SFI1: variants seen among roughly 807,000 people sequenced by gnomAD.
The protein encoded by SFI1 is SFI1 centrin binding protein.
Under a neutral mutation model 207.5 loss-of-function variants are expected in SFI1, and 195 were observed. That is an observed-to-expected ratio of 0.94 (90% CI 0.84 to 1.06). The LOEUF (loss-of-function observed/expected upper bound fraction) is 1.06, where lower values mean the gene tolerates loss of function less well. Ranked by LOEUF, SFI1 falls within the 50% of genes least tolerant of loss-of-function variation. The pLI is 0.00. For missense variants in SFI1, 1,634 were observed against 1,588.0 expected (o/e 1.03, Z -0.49); for synonymous variants, 630 against 598.9 (o/e 1.05, Z -0.76).
chr22:31,514,140 C>CA (rs113946302), intron 2 of SFI1, among the ~76,000 whole-genome samples: 3,083 of 82,272 alleles, frequency 0.037, 125 homozygotes, highest in African/African-American at 0.11. Flanking sequence ...AACTCCATCT[C>CA]AAAAAAAAAA....
Position 31,508,359 on chromosome 22 carries a change from G to A in SFI1, c.75G>A (p.Glu25=). 3 of 1,612,176 alleles carry A rather than the reference G, an allele frequency of 1.9e-6. No individual in the cohort carries two copies. The highest frequency in any genetic ancestry group is 1.1e-5 in the South Asian group (1 of 90,904). Residue 25 remains glutamate (E), a synonymous_variant, in exon 2 of 33, where the codon GAG becomes GAA. Coordinates refer to ENST00000400288, the MANE Select transcript of SFI1 (RefSeq NM_001007467.3). ...AAAAAGTGATTAAGCAGAGAATGGA[G>A]AAGAAGGTTGATTCCAGGTGAGTGA... ...FHQKVIKQRM[E]KKVDSRYFKD...
rs1241498199 is a variant in SFI1 at position 31,598,011 on chromosome 22, TC to T, written c.1545-4200del. Among the ~76,000 whole-genome samples, 3 of 151,628 alleles carry T rather than the reference TC, an allele frequency of 2.0e-5. No individual in the cohort carries two copies. The East Asian group carries it at 5.8e-4, about 29-fold the overall frequency. ...TTTTTTTTTTGAGACGGAGTCTCGCTCTGTTGCCCAGGCTGGAGTGCAGTGG... is the reference window on the plus strand; with the variant it reads ...TTTTTTTTTTGAGACGGAGTCTCGCTTGTTGCCCAGGCTGGAGTGCAGTGG... On this transcript the variant is annotated intron_variant, in intron 15 of 32. Coordinates refer to ENST00000400288, the MANE Select transcript of SFI1 (RefSeq NM_001007467.3).
At chr22:31,534,144 A>G (rs1309161120) in intron 4 of SFI1, among the ~76,000 whole-genome samples, 1 of 152,014 alleles carries the variant, frequency 6.6e-6, no homozygotes, top group Non-Finnish European at 1.5e-5. Context: ...TTTGAGACAG[A>G]GTCTCGCTCT....
At chr22:31,525,024 C>G (rs1328916284) in intron 2 of SFI1, among the ~76,000 whole-genome samples, 4 of 151,852 alleles carry the variant, frequency 2.6e-5, no homozygotes, top group Non-Finnish European at 4.4e-5. Flanking sequence ...GAACTCCTGA[C>G]CTCAAGTGAT....
chr22:31,517,253 G>A (rs1362413479), intron 2 of SFI1, among the ~76,000 whole-genome samples: 2 of 151,968 alleles, frequency 1.3e-5, no homozygotes, highest in Non-Finnish European at 2.9e-5. Context: ...AGATATTCTG[G>A]TTTTTGTTTT....
chr22:31,505,844 G>A (rs926324071), intron 1 of SFI1, among the ~76,000 whole-genome samples: 5 of 151,980 alleles, frequency 3.3e-5, no homozygotes, highest in African/African-American at 7.3e-5. Context: ...TGATGGTGCC[G>A]CAGTACTTCA....
intron 12 of SFI1, among the ~76,000 whole-genome samples, chr22:31,581,883 C>T (rs1011307769): frequency 1.4e-4 from 22 of 152,102 alleles, no homozygotes; most frequent in African/African-American, 5.3e-4. Flanking sequence ...AAATTATAGA[C>T]ATCATGACAC....
chr22:31,576,551 C>T (rs1042685702), intron 10 of SFI1, among the ~76,000 whole-genome samples: 1 of 152,066 alleles, frequency 6.6e-6, no homozygotes, highest in Non-Finnish European at 1.5e-5. Flanking sequence ...GAACTCCTGA[C>T]CCAAAGTGAT....
At chr22:31,580,387 A>T in intron 12 of SFI1, 23 bp downstream of exon 12, 1 of 1,588,940 alleles carries the variant, frequency 6.3e-7, no homozygotes, top group Non-Finnish European at 8.6e-7. Context: ...TTCTGTATCA[A>T]GGGACCTCTT....
chr22:31,531,630 A>T (rs550054544), intron 4 of SFI1, among the ~76,000 whole-genome samples: 2 of 152,292 alleles, frequency 1.3e-5, no homozygotes, highest in South Asian at 4.1e-4. Context: ...ATGGTGGCTC[A>T]TGCCTGTAAT....
At chr22:31,507,380 A>T (rs1279663362) in intron 1 of SFI1, among the ~76,000 whole-genome samples, 1 of 152,224 alleles carries the variant, frequency 6.6e-6, no homozygotes, top group Non-Finnish European at 1.5e-5. Context: ...ACTTAAATTT[A>T]AAACCCAAAA....
chr22:31,551,402 T>C (rs1336680025), intron 6 of SFI1, among the ~76,000 whole-genome samples: 1 of 152,182 alleles, frequency 6.6e-6, no homozygotes, highest in East Asian at 1.9e-4. Flanking sequence ...CCCAGCCCAG[T>C]GATCTTTCCC....
intron 12 of SFI1, among the ~76,000 whole-genome samples, chr22:31,583,474 A>C (rs769732188): frequency 2.6e-5 from 4 of 152,124 alleles, no homozygotes; most frequent in Admixed American, 6.6e-5. Context: ...TATATCATTT[A>C]ATTTTCCTTT....
chr22:31,607,975 G>A lies in SFI1; in HGVS notation c.2196G>A (p.Met732Ile), dbSNP rs2147165182. ...GGCGGGAAGCTGTGTCAGTGCAGAT[G>A]TATTACCGACAGCAGGAGGACTGTG... The part of the protein sequence containing the change: ...VQWREAVSVQ[M>I]YYRQQEDCAI... The change falls in exon 22 of 33, where the codon ATG becomes ATA. Residue 732 changes from methionine (M) to isoleucine (I), a missense_variant. Transcript: ENST00000400288. The A allele has an allele frequency of 6.2e-7, 1 of 1,613,990 alleles. No individual in the cohort carries two copies. Among genetic ancestry groups the A allele is most frequent in the Non-Finnish European group, 8.5e-7 (1 of 1,179,906 alleles).
intron 28 of SFI1, 27 bp downstream of exon 28, chr22:31,614,887 G>A: frequency 6.2e-7 from 1 of 1,611,434 alleles, no homozygotes; most frequent in Middle Eastern, 1.7e-4. Context: ...ACCGTGGGCA[G>A]GCAGGGGGAG....
chr22:31,563,999 A>T (rs1205339413), intron 8 of SFI1, among the ~76,000 whole-genome samples: 1 of 152,090 alleles, frequency 6.6e-6, no homozygotes, highest in East Asian at 1.9e-4. Flanking sequence ...TATTTCAAAC[A>T]TAGAAACACA....
rs2063108674 is a variant in SFI1, at chr22:31,572,984, T to C, written c.766-74T>C. ...CCTTTCCAGCGTGTGTGCCTTTCTC[T>C]TTTCCCTCTCCACCTGTACTTCACC... On this transcript the variant is annotated intron_variant, in intron 8 of 32. Transcript: ENST00000400288. The C allele has an allele frequency of 2.7e-6, 4 of 1,494,718 alleles. No homozygotes were observed. In the African/African-American group the frequency reaches 4.2e-5, roughly 16 times the overall value. 92.6% of individuals were successfully genotyped at this position (1,494,718 alleles called of 1,614,324 possible).
At chr22:31,580,486 G>C (rs1436334849) in intron 12 of SFI1, 122 bp downstream of exon 12, 1 of 572,358 alleles carries the variant, frequency 1.7e-6, no homozygotes, top group East Asian at 3.5e-5. Context: ...TTCAAGATTT[G>C]TCCAGACTGT....
chr22:31,580,422 T>A, intron 12 of SFI1, 58 bp downstream of exon 12: 2 of 1,434,434 alleles, frequency 1.4e-6, no homozygotes, highest in Non-Finnish European at 1.9e-6. Flanking sequence ...CTCTCGCTCT[T>A]TTTTTCAGTC....
Sources: gnomAD v4.1 joint callset for allele counts (sites outside exome capture counted in the v4.1 genomes callset) on GRCh38, gnomAD v4.1.1 for gene constraint, MANE v1.5 for transcripts, NCBI Gene and HGNC (gene_info 2026-07-23, HGNC 2026-07-21) for gene names.